ZNF34: variants seen among roughly 807,000 people sequenced by gnomAD.
The protein encoded by ZNF34 is zinc finger protein 34.
A neutral mutation model predicts 14.4 loss-of-function variants in ZNF34; 8 were observed. The ratio of observed to expected loss-of-function variants is 0.55; its 90% confidence interval spans 0.33 to 1.00. The LOEUF is 1.00. Among genes scored for constraint, ZNF34 ranks in the 50% least tolerant of loss-of-function variants. The pLI is 0.03. For synonymous variants in ZNF34, 235 were observed against 247.9 expected (o/e 0.95, Z 0.49); for missense variants, 538 against 674.2 (o/e 0.80, Z 2.24).
chr8:144,778,065 C>T lies in ZNF34; in HGVS notation c.133G>A (p.Glu45Lys), dbSNP rs1242475786. 1 of 1,614,068 alleles carries T rather than the reference C, an allele frequency of 6.2e-7. No homozygotes were observed. Among genetic ancestry groups the T allele is most frequent in the Non-Finnish European group, 8.5e-7 (1 of 1,179,966 alleles). ...QRGLYRDVMLETYGNLVSLGV... is the reference protein window; with the variant it reads ...QRGLYRDVMLKTYGNLVSLGV... ...AGTGAGACTAGGTTCCCGTAGGTCT[C>T]CAGCATCACGTCCCTGTAGAGGCCC... Residue 45 changes from glutamate to lysine, a missense_variant, in exon 4 of 6, where the codon GAG becomes AAG. Physicochemically the swap from Glu to Lys is moderately conservative, Grantham distance 56. Around this residue, in one of 3 missense-constraint regions of ZNF34, gnomAD observed 431 missense variants for 525.7 expected, o/e 0.82. Coordinates refer to ENST00000429371, the MANE Select transcript of ZNF34 (RefSeq NM_001286769.2).
intron 1 of ZNF34, among the ~76,000 whole-genome samples, chr8:144,784,495 C>A (rs947313628): frequency 4.1e-5 from 6 of 147,924 alleles, no homozygotes; most frequent in African/African-American, 1.5e-4. Flanking sequence ...CACGGTGACT[C>A]ACGCCTGTAA....
intron 1 of ZNF34, among the ~76,000 whole-genome samples, chr8:144,781,075 C>T (rs1405040933): frequency 6.7e-6 from 1 of 148,494 alleles, no homozygotes; most frequent in Non-Finnish European, 1.5e-5. Context: ...GCAGAGCTTG[C>T]AGTGAGCTGA....
chr8:144,776,679 G>A (rs1226637976), intron 5 of ZNF34, among the ~76,000 whole-genome samples: 1 of 152,100 alleles, frequency 6.6e-6, no homozygotes, highest in Non-Finnish European at 1.5e-5. Flanking sequence ...GAAGGCCAAG[G>A]CGAGAGGATC....
At position 144,779,964 on chromosome 8, in the gene ZNF34, G is replaced by A. The variant is rs7814701; in HGVS notation, c.-55+264C>T. 0.016 allele frequency among the ~76,000 whole-genome samples: 2,371 copies of A among 151,246 alleles called. 57 individuals are homozygous for A. Among genetic ancestry groups the A allele is most frequent in the African/African-American group, 0.056 (2,280 of 41,060 alleles). On this transcript the variant is annotated intron_variant, in intron 2 of 5. Coordinates refer to ENST00000429371, the MANE Select transcript of ZNF34 (RefSeq NM_001286769.2). This position sits in a 1 kb window ranked among gnomAD's most constrained non-coding sequence, Gnocchi z 4.1. ...AGCGCTTTGGGAGGCTGAGGCGGGA[G>A]GACAGCTTGAGCCCAGGAATTTGAG... is the stretch of plus-strand genomic sequence containing the variant.
chr8:144,774,872 G>C (rs1433554294), intron 5 of ZNF34, among the ~76,000 whole-genome samples: 1 of 152,178 alleles, frequency 6.6e-6, no homozygotes, highest in African/African-American at 2.4e-5. Context: ...AGAATGGAGA[G>C]TGACAAGTAC....
At chr8:144,784,359 A>G (rs1826093072) in intron 1 of ZNF34, among the ~76,000 whole-genome samples, 1 of 151,894 alleles carries the variant, frequency 6.6e-6, no homozygotes, top group South Asian at 2.1e-4. Flanking sequence ...AGGACAATAA[A>G]TGGTATTGGC....
chr8:144,773,187 C>T lies in ZNF34; in HGVS notation c.*79G>A, dbSNP rs1312577105. On this transcript the variant is annotated 3_prime_UTR_variant, in exon 6 of 6. Coordinates refer to ENST00000429371, the MANE Select transcript of ZNF34 (RefSeq NM_001286769.2). The surrounding 1 kb of genome is among the most constrained non-coding windows in gnomAD (Gnocchi z 5.4). ...CTGTGAAAACATCGTGTGGATAATA[C>T]ATAAAGGGCAGAGTCAGGTGCCGGG... 3.7e-5 allele frequency: 53 copies of T among 1,427,166 alleles called. No homozygotes were observed. The highest frequency in any genetic ancestry group is 5.0e-5 in the Admixed American group (2 of 40,108). 88.4% of individuals were successfully genotyped at this position (1,427,166 alleles called of 1,614,324 possible). A position where few individuals can be genotyped will look rare whatever the true frequency, so the allele number is the denominator to read the frequency against.
rs113024071 is a variant in ZNF34 at position 144,772,425 on chromosome 8, T to A, written c.*841A>T. On this transcript the variant is annotated 3_prime_UTR_variant, in exon 6 of 6. Transcript: ENST00000429371. ...TACACAACACCATGAATGTACTTAA[T>A]GCCACTGAATTGTACACTTAAAAAT... 0.073 allele frequency among the ~76,000 whole-genome samples: 11,159 copies of A among 152,304 alleles called. 1,389 individuals carry two copies. The highest frequency in any genetic ancestry group is 0.26 in the African/African-American group (10,609 of 41,516).
rs1052265653 is a variant in ZNF34, at chr8:144,776,752, A to T, written c.280+706T>A. ...CAGTGAAACCTCGTCTCTGTAAAAA[A>T]ATCAAAAAATTAGTGTGAGTGACAC... On this transcript the variant is annotated intron_variant, in intron 5 of 5. Transcript: ENST00000429371. 3.3e-5 allele frequency among the ~76,000 whole-genome samples: 5 copies of T among 152,130 alleles called. No homozygotes were observed. The East Asian group carries it at 9.7e-4, about 29-fold the overall frequency.
rs779475672 is a variant in ZNF34, at chr8:144,780,645, C to T, written c.-107-365G>A. ...TCTCTACTAAAATACAAAAATTAGC[C>T]GGGCGTGGTGGCGGGCTCCTGTAAT... On this transcript the variant is annotated intron_variant, in intron 1 of 5. Coordinates refer to ENST00000429371, the MANE Select transcript of ZNF34 (RefSeq NM_001286769.2). Among the ~76,000 whole-genome samples, 8 of 151,874 alleles carry T rather than the reference C, an allele frequency of 5.3e-5. No homozygotes were observed. In the South Asian group the frequency reaches 8.3e-4, roughly 16 times the overall value.
intron 1 of ZNF34, among the ~76,000 whole-genome samples, chr8:144,782,798 C>T (rs1413364120): frequency 1.7e-5 from 2 of 118,580 alleles, no homozygotes; most frequent in Non-Finnish European, 3.2e-5. Flanking sequence ...GATCGTACCA[C>T]TGCACTCCAG....
chr8:144,774,720 G>T, intron 5 of ZNF34, 115 bp from the exon 6 acceptor site: 1 of 1,272,122 alleles, frequency 7.9e-7, no homozygotes. Flanking sequence ...AGTCCCAACA[G>T]CCTTGCAAAG....
rs1825665084 is a variant in ZNF34, at chr8:144,778,438, C to G, written c.33+1G>C. 1.3e-6 allele frequency: 2 copies of G among 1,571,336 alleles called. No homozygotes were observed. The highest frequency in any genetic ancestry group is 8.6e-7 in the Non-Finnish European group (1 of 1,159,604). On this transcript the variant is annotated splice_donor_variant, in intron 3 of 5. Transcript: ENST00000429371. LOFTEE classifies it high-confidence loss of function. Reference sequence around the variant, plus strand: ...CTCCTCCCAGGAGGACAGACACTCACCTGGGGTGGGGCAGACAGGAACAAG... The same window carrying G: ...CTCCTCCCAGGAGGACAGACACTCAGCTGGGGTGGGGCAGACAGGAACAAG...
Position 144,777,709 on chromosome 8 carries a change from G to A in ZNF34, c.161-132C>T. ...ATGGAAGCCTGGACACTCTCTGGAG[G>A]GCACTGAGATTGGGCTGGGGCAGTC... On this transcript the variant is annotated intron_variant, in intron 4 of 5. Coordinates refer to ENST00000429371, the MANE Select transcript of ZNF34 (RefSeq NM_001286769.2). This position sits in a 1 kb window ranked among gnomAD's most constrained non-coding sequence, Gnocchi z 4.8. 3 of 1,171,952 alleles carry A rather than the reference G, an allele frequency of 2.6e-6. No homozygotes were observed. The highest frequency in any genetic ancestry group is 3.5e-6 in the Non-Finnish European group (3 of 847,560). 72.6% of individuals were successfully genotyped at this position (1,171,952 alleles called of 1,614,324 possible).
rs1825571627 is a variant in ZNF34 at position 144,777,105 on chromosome 8, C to G, written c.280+353G>C. ...ATTAAATGATAGCTCCATCATTAGG[C>G]CCTCATTATCTGGCATCAGCTCTGG... On this transcript the variant is annotated intron_variant, in intron 5 of 5. Transcript: ENST00000429371. This position sits in a 1 kb window ranked among gnomAD's most constrained non-coding sequence, Gnocchi z 4.8. Among the ~76,000 whole-genome samples the G allele has an allele frequency of 6.7e-6, 1 of 149,580 alleles. No individual in the cohort carries two copies. Among genetic ancestry groups the G allele is most frequent in the South Asian group, 2.1e-4 (1 of 4,696 alleles).
chr8:144,773,897 A>G lies in ZNF34; in HGVS notation c.989T>C (p.Ile330Thr). ...TCCGGTGTGGATTCTCTGGTGATAA[A>G]TCAGGGAAGAGTAGGCGCTAAAGTG... is the stretch of plus-strand genomic sequence containing the variant. ...GKHFSAYSSL[I>T]YHQRIHTGEK... The change falls in exon 6 of 6, where the codon ATT (isoleucine) becomes ACT (threonine). Residue 330 changes from isoleucine to threonine, a missense_variant. This residue lies in a region of ZNF34 where 431 missense variants were observed against 525.7 expected (regional missense o/e 0.82). Transcript: ENST00000429371. The surrounding 1 kb of genome is among the most constrained non-coding windows in gnomAD (Gnocchi z 5.4). 1 of 1,613,988 alleles carries G rather than the reference A, an allele frequency of 6.2e-7. No homozygotes were observed.
chr8:144,784,175 A>G lies in ZNF34; in HGVS notation c.-108+3104T>C, dbSNP rs550306740. ...ACTACGTCTCCAGAAAAAAAAAAAA[A>G]AAGATTAGCTAAGGCAATACCAAAA... On this transcript the variant is annotated intron_variant, in intron 1 of 5. Coordinates refer to ENST00000429371, the MANE Select transcript of ZNF34 (RefSeq NM_001286769.2). Among the ~76,000 whole-genome samples the G allele has an allele frequency of 9.9e-5, 15 of 151,972 alleles. No individual in the cohort carries two copies. The East Asian group carries it at 2.9e-3, about 29-fold the overall frequency.
At chr8:144,782,625 C>G (rs1825958908) in intron 1 of ZNF34, among the ~76,000 whole-genome samples, 1 of 151,622 alleles carries the variant, frequency 6.6e-6, no homozygotes, top group Non-Finnish European at 1.5e-5. Context: ...ATCTCTTGAG[C>G]CCAGGAGTTC....
At chr8:144,784,021 A>T (rs912219471) in intron 1 of ZNF34, among the ~76,000 whole-genome samples, 3 of 152,044 alleles carry the variant, frequency 2.0e-5, no homozygotes, top group African/African-American at 7.2e-5. Flanking sequence ...TAGCCCGGCC[A>T]TGGTGGCAGG....
Sources: allele counts gnomAD v4.1 joint callset (sites outside exome capture counted in the v4.1 genomes callset), GRCh38; gene constraint gnomAD v4.1.1; regional missense constraint gnomAD v4.1.1; non-coding constraint Gnocchi (gnomAD v3.1); transcripts MANE v1.5; gene names NCBI Gene and HGNC (gene_info 2026-07-23, HGNC 2026-07-21).